TCF4: variants seen among roughly 807,000 people sequenced by gnomAD.
The protein encoded by TCF4 is SL3-3 enhancer factor 2.
In TCF4, 3 loss-of-function variants were observed where a neutral mutation model predicts 82.1. The observed-to-expected ratio is 0.04, with a 90% CI of 0.02 to 0.09. The LOEUF is 0.09. Among genes scored for constraint, TCF4 ranks in the 10% least tolerant of loss-of-function variants. The pLI, the probability that TCF4 is intolerant of heterozygous loss-of-function variation, is 1.00. For missense variants in TCF4, 518 were observed against 852.7 expected (o/e 0.61, Z 4.89); for synonymous variants, 276 against 309.6 (o/e 0.89, Z 1.14).
intron 3 of TCF4, among the ~76,000 whole-genome samples, chr18:55,560,996 T>C (rs1448444115): frequency 6.6e-6 from 1 of 152,248 alleles, no homozygotes; most frequent in Non-Finnish European, 1.5e-5. Context: ...TGGCTTTCAT[T>C]GCATGGCCCT....
intron 6 of TCF4, among the ~76,000 whole-genome samples, chr18:55,368,449 C>T (rs2087884986): frequency 6.6e-6 from 1 of 152,138 alleles, no homozygotes; most frequent in Non-Finnish European, 1.5e-5. Flanking sequence ...TAGTCTCATT[C>T]TCCCCATTAA....
chr18:55,410,481 G>T (rs758639305), intron 5 of TCF4, among the ~76,000 whole-genome samples: 2 of 151,840 alleles, frequency 1.3e-5, no homozygotes, highest in African/African-American at 4.8e-5. Context: ...GCACTATCTC[G>T]CATGCAAATT....
At chr18:55,306,417 C>T (rs2070359090) in intron 8 of TCF4, among the ~76,000 whole-genome samples, 1 of 152,098 alleles carries the variant, frequency 6.6e-6, no homozygotes, top group Non-Finnish European at 1.5e-5. Context: ...GAAAGCAAGC[C>T]CATGCCAGGG....
At chr18:55,513,845 T>C (rs1182802287) in intron 3 of TCF4, among the ~76,000 whole-genome samples, 1 of 152,200 alleles carries the variant, frequency 6.6e-6, no homozygotes, top group Non-Finnish European at 1.5e-5. Context: ...CAAAATCTTT[T>C]AGTTCTCTTT....
intron 15 of TCF4, among the ~76,000 whole-genome samples, chr18:55,243,633 G>A (rs1350198236): frequency 2.0e-5 from 3 of 152,036 alleles, no homozygotes; most frequent in Non-Finnish European, 4.4e-5. Context: ...AGCACCCAGA[G>A]TACTAGGCAG....
At chr18:55,281,681 T>C (rs146257684) in intron 8 of TCF4, among the ~76,000 whole-genome samples, 76 of 152,052 alleles carry the variant, frequency 5.0e-4, no homozygotes, top group African/African-American at 1.7e-3. Context: ...TCAACACCAT[T>C]TGATGACACC....
intron 3 of TCF4, among the ~76,000 whole-genome samples, chr18:55,558,998 T>C (rs1178122833): frequency 1.3e-5 from 2 of 150,288 alleles, no homozygotes; most frequent in African/African-American, 4.9e-5. Context: ...TAAATACAGA[T>C]TTCTGGATAA....
At chr18:55,393,740 A>G in intron 6 of TCF4, among the ~76,000 whole-genome samples, 1 of 152,222 alleles carries the variant, frequency 6.6e-6, no homozygotes, top group East Asian at 1.9e-4. Flanking sequence ...GATGAAAGTA[A>G]CTTACCATCA....
At position 55,614,808 on chromosome 18, in the gene TCF4, T is replaced by C. The variant is rs561252922; in HGVS notation, c.286+16490A>G. The stretch of plus-strand genomic sequence containing the variant: ...TCTGTTTTGGATCATGCTTTTGGTA[T>C]GGTATCCAATAAATCTTTGCCTAAT... On this transcript the variant is annotated intron_variant, in intron 2 of 20. Transcript: ENST00000398339. 9.8e-5 allele frequency among the ~76,000 whole-genome samples: 15 copies of C among 152,294 alleles called. No individual in the cohort carries two copies. The South Asian group carries it at 2.3e-3, about 23-fold the overall frequency.
intron 8 of TCF4, among the ~76,000 whole-genome samples, chr18:55,283,940 G>C (rs377408261): frequency 2.6e-5 from 4 of 152,236 alleles, no homozygotes; most frequent in African/African-American, 9.6e-5. Flanking sequence ...TTTTCAAGGG[G>C]TAAAGCAAGG....
chr18:55,272,065 G>A (rs1434269616), intron 10 of TCF4, among the ~76,000 whole-genome samples: 1 of 151,970 alleles, frequency 6.6e-6, no homozygotes, highest in Admixed American at 6.6e-5. Context: ...TAATCACATC[G>A]GTGAGAATCT....
chr18:55,388,406 C>G (rs567557996), intron 6 of TCF4, among the ~76,000 whole-genome samples: 1 of 152,168 alleles, frequency 6.6e-6, no homozygotes, highest in South Asian at 2.1e-4. Flanking sequence ...ATAGCATGGG[C>G]GGTACGCACC....
chr18:55,369,204 A>G (rs1467954366), intron 6 of TCF4, among the ~76,000 whole-genome samples: 1 of 152,226 alleles, frequency 6.6e-6, no homozygotes, highest in Admixed American at 6.5e-5. Flanking sequence ...ACATGTCAAT[A>G]ACATAAATCC....
intron 3 of TCF4, among the ~76,000 whole-genome samples, chr18:55,549,291 C>G (rs1018057647): frequency 1.1e-4 from 17 of 151,528 alleles, no homozygotes; most frequent in Non-Finnish European, 2.9e-5. Context: ...ACAGAGTGAC[C>G]CTGTCTCAAA....
chr18:55,273,247 T>C (rs2146060071), intron 10 of TCF4, among the ~76,000 whole-genome samples: 1 of 152,306 alleles, frequency 6.6e-6, no homozygotes, highest in East Asian at 1.9e-4. Flanking sequence ...TAATTACACA[T>C]TCTGTTATAA....
At chr18:55,474,084 T>C (rs1382582472) in intron 3 of TCF4, among the ~76,000 whole-genome samples, 1 of 152,154 alleles carries the variant, frequency 6.6e-6, no homozygotes, top group Non-Finnish European at 1.5e-5. Context: ...TGAAAATCTG[T>C]AAAAATGCAT....
intron 3 of TCF4, among the ~76,000 whole-genome samples, chr18:55,541,144 G>A (rs2146953668): frequency 6.6e-6 from 1 of 152,018 alleles, no homozygotes; most frequent in East Asian, 1.9e-4. Context: ...ATACATTCCT[G>A]TTAAATGCTC....
In TCF4 at chr18:55,390,832, C is replaced by T. The variant is rs78490400; in HGVS notation, c.369+12622G>A. The stretch of plus-strand genomic sequence containing the variant: ...AAAGGACATTAAGAACATGTTCTTT[C>T]GAAATAAATCAAAGAATAATCCCTC... On this transcript the variant is annotated intron_variant, in intron 6 of 19. Transcript: ENST00000354452. 9.3e-4 allele frequency among the ~76,000 whole-genome samples: 142 copies of T among 152,200 alleles called. No individual in the cohort carries two copies. In the East Asian group the frequency reaches 0.024, roughly 25 times the overall value.
At chr18:55,357,171 GT>G (rs1405182642) in intron 6 of TCF4, among the ~76,000 whole-genome samples, 1 of 152,034 alleles carries the variant, frequency 6.6e-6, no homozygotes, top group African/African-American at 2.4e-5. Context: ...AAGCGAGGAG[GT>G]TTTTTGATGG....
Sources: allele counts gnomAD v4.1 joint callset (sites outside exome capture counted in the v4.1 genomes callset), GRCh38; gene constraint gnomAD v4.1.1; transcripts MANE v1.5; gene names NCBI Gene and HGNC (gene_info 2026-07-23, HGNC 2026-07-21).